Variants in ITPR1 observed in about 807,000 individuals in gnomAD.
The protein encoded by ITPR1 is inositol 1,4,5-trisphosphate-gated calcium channel ITPR1.
Under a neutral mutation model 318.4 loss-of-function variants are expected in ITPR1, and 96 were observed. The observed-to-expected ratio is 0.30, with a 90% CI of 0.26 to 0.36. The LOEUF (loss-of-function observed/expected upper bound fraction) is 0.36, where lower values mean the gene tolerates loss of function less well. Among genes scored for constraint, ITPR1 ranks in the 10% least tolerant of loss-of-function variants. The pLI, the probability that ITPR1 is intolerant of heterozygous loss-of-function variation, is 1.00. For synonymous variants in ITPR1, 1,312 were observed against 1,289.9 expected (o/e 1.02, Z -0.37); for missense variants, 2,440 against 3,460.2 (o/e 0.71, Z 7.40).
At chr3:4,645,325 G>A in intron 8 of ITPR1, 62 bp from the exon 9 acceptor site, 1 of 1,141,902 alleles carries the variant, frequency 8.8e-7, no homozygotes, top group Admixed American at 1.9e-5. Flanking sequence ...AGAAGTCTGG[G>A]GGCTGGATGA....
intron 37 of ITPR1, among the ~76,000 whole-genome samples, chr3:4,708,335 C>A (rs774648679): frequency 1.3e-5 from 2 of 152,128 alleles, no homozygotes; most frequent in Non-Finnish European, 2.9e-5. Flanking sequence ...CTTAAACGTG[C>A]ATCTTAACTT....
At chr3:4,703,400 A>G (rs979007205) in intron 36 of ITPR1, among the ~76,000 whole-genome samples, 2 of 152,134 alleles carry the variant, frequency 1.3e-5, no homozygotes, top group Non-Finnish European at 2.9e-5. Context: ...CCTTGAGTAG[A>G]AATGATTCTC....
intron 4 of ITPR1, among the ~76,000 whole-genome samples, chr3:4,553,571 C>A (rs1248305424): frequency 6.6e-6 from 1 of 151,164 alleles, no homozygotes. Context: ...GCTGGGACTA[C>A]AAGCGCGTGC....
chr3:4,609,563 C>T (rs2091950565), intron 4 of ITPR1, among the ~76,000 whole-genome samples: 2 of 152,060 alleles, frequency 1.3e-5, no homozygotes, highest in South Asian at 2.1e-4. Context: ...GGCCATGGCC[C>T]ACCTCACACG....
chr3:4,697,128 G>A lies in ITPR1; in HGVS notation c.4282-19G>A. On this transcript the variant is annotated intron_variant, in intron 33 of 61. Coordinates refer to ENST00000649015, the MANE Select transcript of ITPR1 (RefSeq NM_001378452.1). ...CACACCAAGATGGTTTTTCAGAAAA[G>A]CTTCTTTCTATCTTGCAGGTTAAAA... 3 of 1,608,400 alleles carry A rather than the reference G, an allele frequency of 1.9e-6. No homozygotes were observed. The highest frequency in any genetic ancestry group is 2.5e-6 in the Non-Finnish European group (3 of 1,176,952).
intron 39 of ITPR1, among the ~76,000 whole-genome samples, chr3:4,713,786 A>T (rs538099822): frequency 3.9e-5 from 6 of 152,298 alleles, no homozygotes; most frequent in African/African-American, 1.4e-4. Context: ...AATCAGTCAC[A>T]CCTAAGCAGA....
At chr3:4,598,764 C>T (rs2091045059) in intron 4 of ITPR1, among the ~76,000 whole-genome samples, 1 of 152,148 alleles carries the variant, frequency 6.6e-6, no homozygotes, top group Non-Finnish European at 1.5e-5. Flanking sequence ...TGTAGTTTTC[C>T]AAAATTATAC....
chr3:4,517,034 G>A (rs1159636596), intron 3 of ITPR1, among the ~76,000 whole-genome samples: 1 of 152,146 alleles, frequency 6.6e-6, no homozygotes, highest in Non-Finnish European at 1.5e-5. Context: ...TTTCTTTGAA[G>A]CAGACATTTC....
chr3:4,671,991 A>C, intron 20 of ITPR1, among the ~76,000 whole-genome samples: 1 of 152,232 alleles, frequency 6.6e-6, no homozygotes, highest in Non-Finnish European at 1.5e-5. Context: ...AGCCATATTG[A>C]ATATATCTGC....
intron 4 of ITPR1, among the ~76,000 whole-genome samples, chr3:4,605,387 G>T (rs2091631618): frequency 6.6e-6 from 1 of 152,162 alleles, no homozygotes; most frequent in African/African-American, 2.4e-5. Context: ...AGGGTAGAAA[G>T]TGTCAGAAAG....
chr3:4,563,077 T>C (rs1173190407), intron 4 of ITPR1, among the ~76,000 whole-genome samples: 1 of 152,138 alleles, frequency 6.6e-6, no homozygotes, highest in Non-Finnish European at 1.5e-5. Flanking sequence ...GGACACAGTA[T>C]GCTAGCATCA....
chr3:4,781,826 A>C (rs183827705), intron 49 of ITPR1, among the ~76,000 whole-genome samples: 1 of 152,304 alleles, frequency 6.6e-6, no homozygotes, highest in East Asian at 1.9e-4. Flanking sequence ...TTACAAAAAA[A>C]TAAAGCATTA....
chr3:4,498,804 C>T (rs147629950), intron 2 of ITPR1, among the ~76,000 whole-genome samples: 1 of 152,206 alleles, frequency 6.6e-6, no homozygotes, highest in Non-Finnish European at 1.5e-5. Flanking sequence ...AGTTTCAACA[C>T]AAACCTATGT....
At chr3:4,670,672 T>C in intron 19 of ITPR1, 57 bp from the exon 20 acceptor site, 1 of 1,241,088 alleles carries the variant, frequency 8.1e-7, no homozygotes, top group Non-Finnish European at 1.2e-6. Context: ...AAAGTAAAGC[T>C]AGATCTCAAA....
In ITPR1 at chr3:4,662,101, A is replaced by G; in HGVS notation, c.1271A>G (p.Lys424Arg). 1 of 1,613,480 alleles carries G rather than the reference A, an allele frequency of 6.2e-7. No homozygotes were observed. Among genetic ancestry groups the G allele is most frequent in the Non-Finnish European group, 8.5e-7 (1 of 1,179,520 alleles). Residue 424 changes from lysine (K) to arginine (R), a missense_variant, in exon 15 of 62, where the codon AAG (lysine) becomes AGG (arginine). Transcript: ENST00000649015. ...VMLKIGTSPV[K>R]EDKEAFAIVP... ...TTTCAGATTGGCACCTCTCCTGTGAAGGAGGATAAGGAAGCATTTGCCATA... is the reference window on the plus strand; with the variant it reads ...TTTCAGATTGGCACCTCTCCTGTGAGGGAGGATAAGGAAGCATTTGCCATA...
At chr3:4,755,004 T>G (rs1343823590) in intron 44 of ITPR1, among the ~76,000 whole-genome samples, 1 of 152,166 alleles carries the variant, frequency 6.6e-6, no homozygotes, top group Non-Finnish European at 1.5e-5. Flanking sequence ...AGAGAAAATT[T>G]GGAGTCTCCT....
chr3:4,655,820 A>G (rs2125178897), intron 12 of ITPR1, among the ~76,000 whole-genome samples: 1 of 152,254 alleles, frequency 6.6e-6, no homozygotes, highest in African/African-American at 2.4e-5. Flanking sequence ...CTGCTTGCAG[A>G]GGAGGGGTGC....
At chr3:4,496,319 G>C (rs202167379) in intron 2 of ITPR1, among the ~76,000 whole-genome samples, 1 of 88,468 alleles carries the variant, frequency 1.1e-5, no homozygotes, top group Admixed American at 1.2e-4. Flanking sequence ...AAGTTCATGT[G>C]TGTGTGTGTG....
At chr3:4,601,860 C>A (rs1281966111) in intron 4 of ITPR1, among the ~76,000 whole-genome samples, 1 of 152,072 alleles carries the variant, frequency 6.6e-6, no homozygotes, top group Non-Finnish European at 1.5e-5. Flanking sequence ...TAGTAAAAGA[C>A]AAATAGCCCA....
Sources: gnomAD v4.1 joint callset for allele counts (sites outside exome capture counted in the v4.1 genomes callset) on GRCh38, gnomAD v4.1.1 for gene constraint, MANE v1.5 for transcripts, NCBI Gene and HGNC (gene_info 2026-07-23, HGNC 2026-07-21) for gene names.